Variants in RAB27A observed in about 807,000 individuals in gnomAD.
RAB27A encodes RAB27A, member RAS oncogene family, also known as ras-related protein Rab-27A.
Under a neutral mutation model 20.8 loss-of-function variants are expected in RAB27A, and 17 were observed. That is an observed-to-expected ratio of 0.82 (90% CI 0.56 to 1.23). The LOEUF (loss-of-function observed/expected upper bound fraction) is 1.23. Ranked by LOEUF, RAB27A falls within the 50% of genes most tolerant of loss-of-function variation. The pLI is 0.00. For missense variants in RAB27A, 277 were observed against 266.7 expected (o/e 1.04, Z -0.27); for synonymous variants, 85 against 92.8 (o/e 0.92, Z 0.48).
In RAB27A at chr15:55,228,694, T is replaced by C. The variant is rs1895910487; in HGVS notation, c.258A>G (p.Thr86=). The change falls in exon 5 of 7, where the codon ACA becomes ACG. Residue 86 remains threonine, a synonymous_variant. Coordinates refer to ENST00000336787, the MANE Select transcript of RAB27A (RefSeq NM_183235.3). ...AGQERFRSLT[T]AFFRDAMGFL... The stretch of plus-strand genomic sequence containing the variant: ...AACCCATAGCATCTCTGAAGAACGC[T>C]GTCGTTAAGCTACGAAACCTAGGAA... 6.2e-7 allele frequency: 1 copy of C among 1,613,428 alleles called. No homozygotes were observed.
intron 6 of RAB27A, among the ~76,000 whole-genome samples, chr15:55,215,509 G>A (rs368831246): frequency 1.3e-5 from 2 of 150,804 alleles, no homozygotes; most frequent in African/African-American, 2.5e-5. Context: ...AAAATTAGCC[G>A]GGCGTGGTAG....
At chr15:55,301,427 GC>G (rs2054971334) in intron 2 of RAB27A, among the ~76,000 whole-genome samples, 1 of 151,930 alleles carries the variant, frequency 6.6e-6, no homozygotes, top group Non-Finnish European at 1.5e-5. Context: ...TTTAATGACA[GC>G]TTTGAGATAT....
chr15:55,215,608 C>T (rs1251346830), intron 6 of RAB27A, among the ~76,000 whole-genome samples: 48 of 132,236 alleles, frequency 3.6e-4, no homozygotes, highest in Non-Finnish European at 5.7e-4. Context: ...GCCGAGATCG[C>T]GCCACTGCAC....
rs996474111 is a variant in RAB27A, at chr15:55,203,015, C to G, written c.*2492G>C. The stretch of plus-strand genomic sequence containing the variant: ...ATTACAGCTTAATTGGCACATGGTT[C>G]ACTGAAGATACACTTCACTTTTACA... On this transcript the variant is annotated 3_prime_UTR_variant, in exon 7 of 7. Transcript: ENST00000336787. The G allele has an allele frequency of 7.9e-5, 12 of 152,170 alleles. No homozygotes were observed. Among genetic ancestry groups the G allele is most frequent in the Admixed American group, 2.6e-4 (4 of 15,274 alleles). The allele number at this position is 152,170 out of a possible 1,614,324, so 9.4% of individuals were successfully genotyped here.
At chr15:55,271,995 A>G (rs1897722657) in intron 1 of RAB27A, among the ~76,000 whole-genome samples, 1 of 152,192 alleles carries the variant, frequency 6.6e-6, no homozygotes, top group Non-Finnish European at 1.5e-5. Context: ...TTTATATCAC[A>G]CAGCAACCTC....
intron 5 of RAB27A, 119 bp from the exon 6 acceptor site, chr15:55,224,131 CAT>C: frequency 1.3e-6 from 1 of 754,452 alleles, no homozygotes; most frequent in Non-Finnish European, 2.2e-6. Context: ...TGGGAATTGA[CAT>C]AATGCTTTCA....
intron 2 of RAB27A, among the ~76,000 whole-genome samples, chr15:55,259,434 G>C (rs1897198428): frequency 6.6e-6 from 1 of 151,012 alleles, no homozygotes; most frequent in East Asian, 2.0e-4. Context: ...ACAAGCATGA[G>C]TCGCCACGCC....
intron 2 of RAB27A, among the ~76,000 whole-genome samples, chr15:55,241,162 A>G (rs1896464096): frequency 1.3e-5 from 2 of 152,156 alleles, no homozygotes; most frequent in Admixed American, 1.3e-4. Flanking sequence ...CCCTAAACCA[A>G]AAATTAATTT....
chr15:55,218,056 A>G (rs979155388), intron 6 of RAB27A, among the ~76,000 whole-genome samples: 1 of 152,192 alleles, frequency 6.6e-6, no homozygotes, highest in Admixed American at 6.5e-5. Flanking sequence ...TATTCTCACA[A>G]AACTAAAAGA....
intron 1 of RAB27A, among the ~76,000 whole-genome samples, chr15:55,279,746 TACA>T (rs1897965102): frequency 6.6e-6 from 1 of 152,204 alleles, no homozygotes; most frequent in African/African-American, 2.4e-5. Flanking sequence ...AATGAAGACT[TACA>T]ACAATAGTTT....
chr15:55,239,139 T>C (rs1171216938), intron 2 of RAB27A, among the ~76,000 whole-genome samples: 8 of 152,202 alleles, frequency 5.3e-5, no homozygotes, highest in African/African-American at 1.4e-4. Flanking sequence ...TTTTACTAAA[T>C]CAAACTGTGC....
chr15:55,214,141 TAAAAA>T, intron 6 of RAB27A, among the ~76,000 whole-genome samples: 1 of 152,172 alleles, frequency 6.6e-6, no homozygotes, highest in African/African-American at 2.4e-5. Context: ...GCACAGCTAT[TAAAAA>T]CTGGTTGAGG....
chr15:55,243,640 CATT>C (rs927133064), intron 2 of RAB27A, among the ~76,000 whole-genome samples: 5 of 149,602 alleles, frequency 3.3e-5, no homozygotes, highest in African/African-American at 1.3e-4. Flanking sequence ...AAAAAAAAAA[CATT>C]ATTTTCTCTG....
At chr15:55,317,913 C>T in intron 1 of RAB27A, 2 of 386,498 alleles carry the variant, frequency 5.2e-6, no homozygotes, top group Non-Finnish European at 9.1e-6. Flanking sequence ...GTACAATGTC[C>T]TTTTAAAAGA....
In RAB27A at chr15:55,205,521, C is replaced by A. The variant is rs373190916; in HGVS notation, c.652G>T (p.Ala218Ser). 6.2e-7 allele frequency: 1 copy of A among 1,614,026 alleles called. No homozygotes were observed. Among genetic ancestry groups the A allele is most frequent in the Non-Finnish European group, 8.5e-7 (1 of 1,180,032 alleles). The part of the protein sequence containing the change: ...DQLSEEKEKG[A>S]CGC ...TACTTGACTTCTCAACAGCCACATG[C>A]CCCTTTCTCCTTTTCTTCACTTAAC... The change falls in exon 7 of 7, where the codon GCA (alanine) becomes TCA (serine). Residue 218 changes from alanine to serine, a missense_variant. Physicochemically the swap from Ala to Ser is moderately conservative, Grantham distance 99. Transcript: ENST00000336787.
At chr15:55,219,956 C>G (rs1259858119) in intron 6 of RAB27A, among the ~76,000 whole-genome samples, 1 of 151,028 alleles carries the variant, frequency 6.6e-6, no homozygotes, top group African/African-American at 2.4e-5. Flanking sequence ...AACAAACAAA[C>G]AACAACAAAA....
intron 2 of RAB27A, chr15:55,238,242 C>T (rs935842696): frequency 6.6e-6 from 1 of 152,112 alleles, no homozygotes; most frequent in Non-Finnish European, 1.5e-5. Flanking sequence ...GAGAGGTAGA[C>T]TGATTTGCAC....
chr15:55,213,176 G>C (rs1471965071), intron 6 of RAB27A, among the ~76,000 whole-genome samples: 2 of 152,172 alleles, frequency 1.3e-5, no homozygotes, highest in African/African-American at 2.4e-5. Context: ...ATCTCAGGGA[G>C]TCCTGCAATT....
At chr15:55,316,624 C>T (rs1273598242) in intron 1 of RAB27A, among the ~76,000 whole-genome samples, 1 of 151,364 alleles carries the variant, frequency 6.6e-6, no homozygotes, top group Non-Finnish European at 1.5e-5. Flanking sequence ...ACAAACTTAA[C>T]GCTAGAGTAA....
Sources: gnomAD v4.1 joint callset for allele counts (sites outside exome capture counted in the v4.1 genomes callset) on GRCh38, gnomAD v4.1.1 for gene constraint, MANE v1.5 for transcripts, NCBI Gene and HGNC (gene_info 2026-07-23, HGNC 2026-07-21) for gene names.